The following RRBP1 variants were observed in gnomAD, a reference collection of about 807,000 sequenced individuals.
RRBP1 encodes ribosome binding protein 1, also known as ribosome-binding protein 1.
RRBP1 carries 94 observed loss-of-function variants against 165.2 expected under a neutral mutation model. That is an observed-to-expected ratio of 0.57 (90% CI 0.48 to 0.68). The LOEUF (loss-of-function observed/expected upper bound fraction) is 0.68. Among genes scored for constraint, RRBP1 ranks in the 30% least tolerant of loss-of-function variants. RRBP1 has a pLI of 0.00. For synonymous variants in RRBP1, 680 were observed against 714.5 expected, an observed-to-expected ratio of 0.95 and a Z score of 0.77; for missense variants, 1,676 against 1,763.0, an observed-to-expected ratio of 0.95 and a Z score of 0.88.
At position 17,620,383 on chromosome 20, in the gene RRBP1, G is replaced by C. The variant is rs781387493; in HGVS notation, c.3508-13C>G. 1.9e-6 allele frequency: 3 copies of C among 1,611,708 alleles called. No homozygotes were observed. The highest frequency in any genetic ancestry group is 1.7e-5 in the Admixed American group (1 of 60,006). On this transcript the variant is annotated splice_polypyrimidine_tract_variant and intron_variant, in intron 17 of 24. Transcript: ENST00000377813. The stretch of plus-strand genomic sequence containing the variant: ...CTGTGACCCGGGACTACAAAGCAAG[G>C]GGAAGGCTCCGTCAGACACGAGCAC...
At chr20:17,615,627 C>A (rs1393308869) in intron 22 of RRBP1, 98 bp from the exon 23 acceptor site, 13 of 910,800 alleles carry the variant, frequency 1.4e-5, no homozygotes, top group African/African-American at 3.4e-5. Context: ...GGGGCCCCCC[C>A]AGCCTGATGG....
At chr20:17,652,894 G>C (rs2036582982) in intron 3 of RRBP1, among the ~76,000 whole-genome samples, 1 of 152,224 alleles carries the variant, frequency 6.6e-6, no homozygotes, top group South Asian at 2.1e-4. Context: ...CCACATATAA[G>C]ACGTAGCAAG....
intron 3 of RRBP1, 25 bp downstream of exon 3, chr20:17,658,571 G>A (rs2036687697): frequency 9.7e-6 from 15 of 1,553,500 alleles, no homozygotes; most frequent in Non-Finnish European, 1.3e-5. Flanking sequence ...TTCCTTCTAA[G>A]TTCATAAAGA....
chr20:17,614,465 C>G (rs1212137680), intron 24 of RRBP1, among the ~76,000 whole-genome samples: 2 of 152,090 alleles, frequency 1.3e-5, no homozygotes, highest in Non-Finnish European at 2.9e-5. Context: ...CACACAGGTG[C>G]AAAGTGAGGA....
intron 12 of RRBP1, among the ~76,000 whole-genome samples, chr20:17,624,956 T>C (rs951172670): frequency 6.6e-5 from 10 of 152,258 alleles, no homozygotes; most frequent in Admixed American, 3.9e-4. Context: ...GCCTGTGTCC[T>C]CAAAGGGAAG....
At chr20:17,639,940 C>T (rs1468275847) in intron 5 of RRBP1, among the ~76,000 whole-genome samples, 2 of 151,676 alleles carry the variant, frequency 1.3e-5, no homozygotes, top group African/African-American at 4.8e-5. Flanking sequence ...ATCGGCTCTG[C>T]TCAGGACTCT....
At chr20:17,662,462 G>A (rs6080766) in intron 2 of RRBP1, among the ~76,000 whole-genome samples, 10,515 of 152,214 alleles carry the variant, frequency 0.069, 456 homozygotes, top group Non-Finnish European at 0.1. Context: ...GGCGTTGAGC[G>A]AGACTGAGTC....
intron 2 of RRBP1, among the ~76,000 whole-genome samples, chr20:17,660,729 C>G (rs928750352): frequency 1.3e-5 from 2 of 152,220 alleles, no homozygotes; most frequent in African/African-American, 4.8e-5. Context: ...GTACCCAAGG[C>G]ATGAGCAGTC....
chr20:17,641,723 T>C, intron 5 of RRBP1, 74 bp downstream of exon 5: 3 of 1,567,842 alleles, frequency 1.9e-6, no homozygotes, highest in Non-Finnish European at 2.6e-6. Context: ...GAGCCCGGGA[T>C]CCACCGTGGA....
At chr20:17,656,159 C>G (rs1008870491) in intron 3 of RRBP1, among the ~76,000 whole-genome samples, 6 of 152,208 alleles carry the variant, frequency 3.9e-5, no homozygotes, top group Admixed American at 3.9e-4. Context: ...AGTGCTAATT[C>G]AAGAAACGAA....
intron 3 of RRBP1, among the ~76,000 whole-genome samples, chr20:17,657,332 AGCAGGGGGCTGCT>A (rs1242005703): frequency 1.3e-5 from 2 of 152,200 alleles, no homozygotes; most frequent in African/African-American, 4.8e-5. Flanking sequence ...TCTCACACGG[AGCAGGGGGCTGCT>A]GCCCCAGCAA....
intron 2 of RRBP1, among the ~76,000 whole-genome samples, chr20:17,675,796 G>A (rs1437185489): frequency 2.2e-4 from 34 of 152,226 alleles, no homozygotes; most frequent in Non-Finnish European, 8.8e-5. Context: ...TGGAGACCTT[G>A]ACCAAGGAGG....
chr20:17,614,869 T>G lies in RRBP1; in HGVS notation c.4062A>C (p.Glu1354Asp). 1.2e-6 allele frequency: 2 copies of G among 1,613,408 alleles called. No homozygotes were observed. The highest frequency in any genetic ancestry group is 2.2e-5 in the South Asian group (2 of 91,086). Residue 1354 changes from glutamate (E) to aspartate (D), a missense_variant, in exon 24 of 25, where the codon GAA becomes GAC. Transcript: ENST00000377813. ...GGTCACTTGTTAACTTCTTCTCTTT[T>G]TCTAGTCTCTCCTGATGGTCAGAAG... Reference protein sequence around the residue: ...EEASQLKERLEKEKKLTSDLG... With the variant: ...EEASQLKERLDKEKKLTSDLG...
In RRBP1 at chr20:17,627,442, A is replaced by G. The variant is rs1028793697; in HGVS notation, c.2929-60T>C. ...GAGACTCATCTCACGCAGCGGGGCTAGTCCACCCACCTGCTAGATGGAGTT... is the reference window on the plus strand; with the variant it reads ...GAGACTCATCTCACGCAGCGGGGCTGGTCCACCCACCTGCTAGATGGAGTT... On this transcript the variant is annotated intron_variant, in intron 10 of 24. Coordinates refer to ENST00000377813, the MANE Select transcript of RRBP1 (RefSeq NM_001365613.2). 2.0e-5 allele frequency: 32 copies of G among 1,610,328 alleles called. No individual in the cohort carries two copies. The Admixed American group carries it at 4.5e-4, about 23-fold the overall frequency.
chr20:17,680,302 T>G (rs2037156763), intron 1 of RRBP1, among the ~76,000 whole-genome samples: 1 of 152,212 alleles, frequency 6.6e-6, no homozygotes, highest in Non-Finnish European at 1.5e-5. Flanking sequence ...TTGTTCTTCC[T>G]GGGAGTGCCA....
rs753336910 is a variant in RRBP1, at chr20:17,659,610, T to C, written c.898A>G (p.Lys300Glu). 1.7e-5 allele frequency: 26 copies of C among 1,550,268 alleles called. No homozygotes were observed. Among genetic ancestry groups the C allele is most frequent in the Non-Finnish European group, 2.0e-5 (23 of 1,146,866 alleles). ...TGGTTCTGGGCCCCTTCTACCTTTT[T>C]GGCCTGGTTCTGAGCCCCCTCGGCC... ...RKAEGAQNQA[K>E]KVEGAQNQGK... The change falls in exon 3 of 25, where the codon AAA becomes GAA. Residue 300 changes from lysine to glutamate, a missense_variant. Transcript: ENST00000377813.
At chr20:17,631,368 A>G (rs1304329191) in intron 8 of RRBP1, among the ~76,000 whole-genome samples, 1 of 152,228 alleles carries the variant, frequency 6.6e-6, no homozygotes, top group Non-Finnish European at 1.5e-5. Context: ...GACTGACCAC[A>G]CATGTTCTTC....
intron 3 of RRBP1, among the ~76,000 whole-genome samples, chr20:17,647,959 G>A (rs548559175): frequency 6.6e-6 from 1 of 152,194 alleles, no homozygotes. Context: ...CAGGTCTGCT[G>A]TAAGAAGGTG....
At position 17,671,356 on chromosome 20, in the gene RRBP1, C is replaced by T. The variant is rs541324792; in HGVS notation, c.-22+8643G>A. On this transcript the variant is annotated intron_variant, in intron 2 of 24. Coordinates refer to ENST00000377813, the MANE Select transcript of RRBP1 (RefSeq NM_001365613.2). ...TTCCTAACTATGGACTATTCTCTTT[C>T]GTTTGATAATTACAACTGGGGATTT... Among the ~76,000 whole-genome samples, 15 of 152,294 alleles carry T rather than the reference C, an allele frequency of 9.8e-5. No homozygotes were observed. The East Asian group carries it at 2.3e-3, about 23-fold the overall frequency.
Sources: allele counts gnomAD v4.1 joint callset (sites outside exome capture counted in the v4.1 genomes callset), GRCh38; gene constraint gnomAD v4.1.1; transcripts MANE v1.5; gene names NCBI Gene and HGNC (gene_info 2026-07-23, HGNC 2026-07-21).